The following ITPR1 variants were observed in gnomAD, a reference collection of about 807,000 sequenced individuals.
ITPR1 encodes inositol 1,4,5-trisphosphate-gated calcium channel ITPR1.
A neutral mutation model predicts 318.4 loss-of-function variants in ITPR1; 96 were observed. The observed-to-expected ratio is 0.30, with a 90% CI of 0.26 to 0.36. The LOEUF (loss-of-function observed/expected upper bound fraction) is 0.36, where lower values mean the gene tolerates loss of function less well. ITPR1 is among the 10% of genes least tolerant of loss of function. ITPR1 has a pLI of 1.00. For synonymous variants in ITPR1, 1,312 were observed against 1,289.9 expected (o/e 1.02, Z -0.37); for missense variants, 2,440 against 3,460.2 (o/e 0.71, Z 7.40).
chr3:4,693,716 T>C lies in ITPR1; in HGVS notation c.4256T>C (p.Val1419Ala). The change falls in exon 33 of 62, where the codon GTG (valine) becomes GCG (alanine). Residue 1419 changes from valine (V) to alanine (A), a missense_variant. By Grantham distance (64) the Val-to-Ala change is moderately conservative. Around this residue, in one of 23 missense-constraint regions of ITPR1, gnomAD observed 222 missense variants for 318.8 expected, o/e 0.70. Transcript: ENST00000649015. The stretch of plus-strand genomic sequence containing the variant: ...CCGCTGGATGACATCGTTCGCGTGG[T>C]GACCCACGAGGACTGCATCCCTGAG... Reference protein sequence around the residue: ...LLPLDDIVRVVTHEDCIPEVK... With the variant: ...LLPLDDIVRVATHEDCIPEVK... 2 of 1,613,352 alleles carry C rather than the reference T, an allele frequency of 1.2e-6. No individual in the cohort carries two copies. Among genetic ancestry groups the C allele is most frequent in the Non-Finnish European group, 1.7e-6 (2 of 1,179,568 alleles).
In ITPR1 at chr3:4,779,747, A is replaced by C. The variant is rs1244270392; in HGVS notation, c.6387+102A>C. ...TCCTGGAGCTTTCTTGAAGGTTCCC[A>C]AAGTCAGAAGTATAAAGGGAACATT... is the stretch of plus-strand genomic sequence containing the variant. On this transcript the variant is annotated intron_variant, in intron 49 of 61. Transcript: ENST00000649015. This position sits in a 1 kb window ranked among gnomAD's most constrained non-coding sequence, Gnocchi z 4.0. 1 of 763,840 alleles carries C rather than the reference A, an allele frequency of 1.3e-6. No homozygotes were observed. The highest frequency in any genetic ancestry group is 2.2e-6 in the Non-Finnish European group (1 of 444,550). The allele number at this position is 763,840 out of a possible 1,614,324, so 47.3% of individuals were successfully genotyped here.
chr3:4,665,015 T>C (rs2093916434), intron 16 of ITPR1, 123 bp from the exon 17 acceptor site: 3 of 950,852 alleles, frequency 3.2e-6, no homozygotes, highest in Non-Finnish European at 5.0e-6. Flanking sequence ...GTTATGGATG[T>C]GTTGGGATAG....
intron 4 of ITPR1, among the ~76,000 whole-genome samples, chr3:4,540,851 C>T (rs1165762229): frequency 6.6e-6 from 1 of 152,182 alleles, no homozygotes; most frequent in Non-Finnish European, 1.5e-5. Context: ...ACTGGGATTA[C>T]AGATGTGAGA....
chr3:4,698,655 C>G (rs1017067562), intron 34 of ITPR1, among the ~76,000 whole-genome samples: 1 of 152,108 alleles, frequency 6.6e-6, no homozygotes, highest in African/African-American at 2.4e-5. Context: ...CCTGATTTTG[C>G]CGATCCTTGC....
intron 44 of ITPR1, among the ~76,000 whole-genome samples, chr3:4,757,584 G>A (rs147005071): frequency 0.012 from 1,785 of 152,200 alleles, 18 homozygotes; most frequent in Non-Finnish European, 0.021. Flanking sequence ...CTGAGGCGTC[G>A]GACAGGTGGG....
At chr3:4,505,940 C>A (rs1284352966) in intron 2 of ITPR1, among the ~76,000 whole-genome samples, 1 of 151,992 alleles carries the variant, frequency 6.6e-6, no homozygotes, top group Non-Finnish European at 1.5e-5. Context: ...GATTATAAGC[C>A]TAAGAAGTTT....
At chr3:4,768,856 C>T (rs757065315) in intron 46 of ITPR1, 92 bp downstream of exon 46, 36 of 1,259,448 alleles carry the variant, frequency 2.9e-5, no homozygotes, top group Non-Finnish European at 3.9e-5. Flanking sequence ...TCACTTGGGC[C>T]AGATTGCTTG....
chr3:4,673,449 A>T (rs2094126497), intron 21 of ITPR1, 62 bp downstream of exon 21: 1 of 1,432,506 alleles, frequency 7.0e-7, no homozygotes, highest in Admixed American at 2.3e-5. Context: ...ATAGCCCCAT[A>T]TGGTCTCATT....
chr3:4,625,566 T>A (rs1243850914), intron 4 of ITPR1, among the ~76,000 whole-genome samples: 1 of 152,172 alleles, frequency 6.6e-6, no homozygotes, highest in Non-Finnish European at 1.5e-5. Flanking sequence ...TTTTTATTTT[T>A]ATTTTTTTGA....
Position 4,725,777 on chromosome 3 carries a change from C to G in ITPR1, c.5172+196C>G, listed in dbSNP as rs538216925. ...TCTCAGTGTAGAAAGTTCTGAGGAG[C>G]TGGATCCAAACTGAGCATCCTCCAG... On this transcript the variant is annotated intron_variant, in intron 41 of 61. Transcript: ENST00000649015. 3.3e-5 allele frequency among the ~76,000 whole-genome samples: 5 copies of G among 152,212 alleles called. No individual in the cohort carries two copies. The South Asian group carries it at 1.0e-3, about 32-fold the overall frequency.
chr3:4,697,894 G>A (rs537402932), intron 34 of ITPR1, among the ~76,000 whole-genome samples: 3 of 152,264 alleles, frequency 2.0e-5, no homozygotes, highest in African/African-American at 7.2e-5. Context: ...CAATTTATAA[G>A]GATTTATTTT....
intron 31 of ITPR1, among the ~76,000 whole-genome samples, chr3:4,690,532 T>C (rs999309182): frequency 1.3e-5 from 2 of 152,202 alleles, no homozygotes. Flanking sequence ...AAGCTGTCAG[T>C]ATCTTCTAAA....
At chr3:4,816,099 CTT>C (rs1342142113) in intron 59 of ITPR1, 3 of 152,094 alleles carry the variant, frequency 2.0e-5, no homozygotes, top group Non-Finnish European at 4.4e-5. Context: ...AGAACATTCT[CTT>C]GTGTATCTAC....
chr3:4,806,681 A>G (rs1027616138), intron 55 of ITPR1, among the ~76,000 whole-genome samples: 2 of 152,196 alleles, frequency 1.3e-5, no homozygotes, highest in African/African-American at 2.4e-5. Flanking sequence ...TGTAGCGACC[A>G]TAAGAGTAGG....
intron 35 of ITPR1, 32 bp from the exon 36 acceptor site, chr3:4,702,798 T>G (rs568429550): frequency 3.4e-5 from 54 of 1,607,484 alleles, no homozygotes; most frequent in Non-Finnish European, 4.5e-5. Context: ...TAAAAATCTG[T>G]TTTTCACGTT....
At chr3:4,843,074 G>GTTTTTTTTTT (rs11404208) in intron 61 of ITPR1, among the ~76,000 whole-genome samples, 1 of 105,450 alleles carries the variant, frequency 9.5e-6, no homozygotes, top group Non-Finnish European at 1.9e-5. Context: ...GTTTTGAGGG[G>GTTTTTTTTTT]TTTTTTTTTT....
At chr3:4,817,065 G>A (rs937546374) in intron 59 of ITPR1, among the ~76,000 whole-genome samples, 6 of 152,204 alleles carry the variant, frequency 3.9e-5, no homozygotes, top group Non-Finnish European at 5.9e-5. Flanking sequence ...TGGCCAGTGA[G>A]AGCCCTTTCC....
At chr3:4,835,457 T>C (rs1312020347) in intron 60 of ITPR1, among the ~76,000 whole-genome samples, 1 of 152,106 alleles carries the variant, frequency 6.6e-6, no homozygotes, top group African/African-American at 2.4e-5. Flanking sequence ...AGTAGCTGAG[T>C]AGTTGTGACA....
At chr3:4,696,481 A>G (rs1185720122) in intron 33 of ITPR1, among the ~76,000 whole-genome samples, 2 of 152,182 alleles carry the variant, frequency 1.3e-5, no homozygotes, top group African/African-American at 4.8e-5. Flanking sequence ...TATTCTATAC[A>G]TACACCACGT....
Sources: gnomAD v4.1 joint callset for allele counts (sites outside exome capture counted in the v4.1 genomes callset) on GRCh38, gnomAD v4.1.1 for gene constraint, gnomAD v4.1.1 regional missense constraint, Gnocchi (gnomAD v3.1) non-coding constraint, MANE v1.5 for transcripts, NCBI Gene and HGNC (gene_info 2026-07-23, HGNC 2026-07-21) for gene names.